The following SPAG16 variants were observed in gnomAD, a reference collection of about 807,000 sequenced individuals.
The protein encoded by SPAG16 is sperm associated antigen 16.
SPAG16 carries 86 observed loss-of-function variants against 80.4 expected under a neutral mutation model. The observed-to-expected ratio is 1.07, with a 90% CI of 0.90 to 1.28. The LOEUF (loss-of-function observed/expected upper bound fraction) is 1.28. Among genes scored for constraint, SPAG16 ranks in the 50% most tolerant of loss-of-function variants. The pLI is 0.00. For missense variants in SPAG16, 870 were observed against 765.3 expected (o/e 1.14, Z -1.61); for synonymous variants, 294 against 265.9 (o/e 1.11, Z -1.03).
chr2:213,623,054 C>T (rs2061841090), intron 10 of SPAG16, among the ~76,000 whole-genome samples: 1 of 152,112 alleles, frequency 6.6e-6, no homozygotes, highest in African/African-American at 2.4e-5. Context: ...AAATCATTCT[C>T]ACGCCTCCAT....
chr2:214,280,912 C>T (rs570128616), intron 15 of SPAG16: 5 of 433,198 alleles, frequency 1.2e-5, no homozygotes, highest in Non-Finnish European at 2.2e-5. Flanking sequence ...TAATCTGCGA[C>T]ATTCTGGCTG....
chr2:213,650,869 G>A (rs1378586668), intron 10 of SPAG16, among the ~76,000 whole-genome samples: 1 of 152,106 alleles, frequency 6.6e-6, no homozygotes, highest in African/African-American at 2.4e-5. Flanking sequence ...AATTTTCAGG[G>A]TTCCATTTAT....
At chr2:213,793,815 T>C (rs1382734786) in intron 10 of SPAG16, among the ~76,000 whole-genome samples, 1 of 152,198 alleles carries the variant, frequency 6.6e-6, no homozygotes, top group Non-Finnish European at 1.5e-5. Flanking sequence ...AGTCATAAAG[T>C]ATAACGTCTT....
intron 13 of SPAG16, among the ~76,000 whole-genome samples, chr2:214,028,318 C>G (rs143679267): frequency 1.3e-5 from 2 of 152,140 alleles, no homozygotes; most frequent in East Asian, 3.9e-4. Context: ...CTGTCAATGT[C>G]TTAGTTCCTA....
At chr2:213,709,408 T>C (rs1260991860) in intron 10 of SPAG16, among the ~76,000 whole-genome samples, 1 of 152,172 alleles carries the variant, frequency 6.6e-6, no homozygotes, top group African/African-American at 2.4e-5. Flanking sequence ...AATTCACAAA[T>C]ATCTTATGAA....
intron 10 of SPAG16, among the ~76,000 whole-genome samples, chr2:213,492,043 C>T (rs565603717): frequency 2.6e-5 from 4 of 152,186 alleles, no homozygotes; most frequent in African/African-American, 9.6e-5. Flanking sequence ...ACTTCATTTC[C>T]AATTGGTCTC....
chr2:213,844,778 G>T (rs1462839673), intron 10 of SPAG16, among the ~76,000 whole-genome samples: 1 of 152,152 alleles, frequency 6.6e-6, no homozygotes, highest in East Asian at 1.9e-4. Context: ...ATGTCATAAA[G>T]TAACTATTTT....
intron 10 of SPAG16, among the ~76,000 whole-genome samples, chr2:213,702,682 G>A (rs1302107059): frequency 3.9e-5 from 6 of 152,122 alleles, no homozygotes; most frequent in African/African-American, 1.4e-4. Context: ...ATGACACATA[G>A]AAGCTGAGAC....
At chr2:214,149,306 A>G in intron 15 of SPAG16, 40 bp downstream of exon 15, 1 of 1,450,508 alleles carries the variant, frequency 6.9e-7, no homozygotes. Context: ...CTAAGCCAAT[A>G]ACATTAATAT....
chr2:213,884,157 T>G (rs1404675084), intron 11 of SPAG16, among the ~76,000 whole-genome samples: 1 of 152,200 alleles, frequency 6.6e-6, no homozygotes, highest in Non-Finnish European at 1.5e-5. Context: ...TTCTTTTGAT[T>G]CCACATTTAG....
Position 213,719,319 on chromosome 2 carries a change from T to G in SPAG16, c.1071-143166T>G, listed in dbSNP as rs555839031. 9.2e-5 allele frequency among the ~76,000 whole-genome samples: 14 copies of G among 152,002 alleles called. No homozygotes were observed. The East Asian group carries it at 2.7e-3, about 29-fold the overall frequency. On this transcript the variant is annotated intron_variant, in intron 10 of 15. Coordinates refer to ENST00000331683, the MANE Select transcript of SPAG16 (RefSeq NM_024532.5). ...GGCACTCTGTATCTAGCTCAAGGTT[T>G]GTAAACACACCAATCAGCACCCTGT...
In SPAG16 at chr2:213,452,641, G is replaced by T. The variant is rs190229100; in HGVS notation, c.943-37322G>T. Among the ~76,000 whole-genome samples, 353 of 152,278 alleles carry T rather than the reference G, an allele frequency of 2.3e-3. 1 individual carries two copies. Among genetic ancestry groups the T allele is most frequent in the Non-Finnish European group, 4.2e-3 (287 of 68,026 alleles). On this transcript the variant is annotated intron_variant, in intron 9 of 15. Transcript: ENST00000331683. ...GATCTTTTAGTGACTTCCCATTGTT[G>T]TTGAGATGAGGACAATAATTATTAA...
At chr2:213,715,488 G>C (rs2066200938) in intron 10 of SPAG16, among the ~76,000 whole-genome samples, 3 of 152,106 alleles carry the variant, frequency 2.0e-5, no homozygotes, top group Admixed American at 2.0e-4. Context: ...AAAATAGCTT[G>C]GGTTCTAGCA....
chr2:213,362,016 G>A (rs1253878907), intron 7 of SPAG16, among the ~76,000 whole-genome samples: 2 of 152,106 alleles, frequency 1.3e-5, no homozygotes, highest in African/African-American at 2.4e-5. Context: ...TGAGTCATTT[G>A]AATCTCCCAT....
In SPAG16 at chr2:214,210,839, G is replaced by GCA. The variant is rs58316951; in HGVS notation, c.1720+61590_1720+61591dup. 9.0e-3 allele frequency among the ~76,000 whole-genome samples: 1,342 copies of GCA among 149,490 alleles called. 18 individuals carry two copies. The highest frequency in any genetic ancestry group is 0.028 in the African/African-American group (1,140 of 40,842). ...AAAATACACACACACATGCGCGCGC[G>GCA]CACACACACACACACACATATTTGT... On this transcript the variant is annotated intron_variant, in intron 15 of 15. Transcript: ENST00000331683.
intron 10 of SPAG16, among the ~76,000 whole-genome samples, chr2:213,513,172 A>G (rs1334108138): frequency 6.6e-6 from 1 of 152,004 alleles, no homozygotes; most frequent in Non-Finnish European, 1.5e-5. Flanking sequence ...TTGTCTTTTT[A>G]TCCTTGACTT....
rs193173351 is a variant in SPAG16, at chr2:214,336,552, T to A, written c.1721-73588T>A. On this transcript the variant is annotated intron_variant, in intron 15 of 15. Transcript: ENST00000331683. Reference sequence around the variant, plus strand: ...GATAACTGATGCAAATTTTCAAACATGTATATAAATATAATAGCCAGTATT... The same window carrying A: ...GATAACTGATGCAAATTTTCAAACAAGTATATAAATATAATAGCCAGTATT... Among the ~76,000 whole-genome samples the A allele has an allele frequency of 1.3e-3, 193 of 152,234 alleles. 1 individual carries two copies. Among genetic ancestry groups the A allele is most frequent in the African/African-American group, 4.1e-3 (172 of 41,556 alleles).
At chr2:214,118,260 A>G (rs2054040763) in intron 14 of SPAG16, among the ~76,000 whole-genome samples, 1 of 152,206 alleles carries the variant, frequency 6.6e-6, no homozygotes, top group South Asian at 2.1e-4. Context: ...AAAAATCTAG[A>G]AATAAGTTTA....
intron 12 of SPAG16, among the ~76,000 whole-genome samples, chr2:213,940,902 C>T (rs1043269575): frequency 6.6e-6 from 1 of 152,154 alleles, no homozygotes; most frequent in African/African-American, 2.4e-5. Flanking sequence ...TTGAGGCTTT[C>T]AGTGATATCG....
Sources: gnomAD v4.1 joint callset for allele counts (sites outside exome capture counted in the v4.1 genomes callset) on GRCh38, gnomAD v4.1.1 for gene constraint, MANE v1.5 for transcripts, NCBI Gene and HGNC (gene_info 2026-07-23, HGNC 2026-07-21) for gene names.